The following NHSL3 variants were observed in gnomAD, a reference collection of about 807,000 sequenced individuals.
NHSL3 encodes the protein NHS-like protein 3.
At chr1:32,757,394 CTG>C in the NHSL3 span, among the ~76,000 whole-genome samples, 2 of 150,608 alleles carry the variant, frequency 1.3e-5, no homozygotes, top group Non-Finnish European at 3.0e-5. Context: ...GGCTCAGAGA[CTG>C]TTGCAGTAAT....
At chr1:32,748,210 C>T in the NHSL3 span, among the ~76,000 whole-genome samples, 3 of 152,048 alleles carry the variant, frequency 2.0e-5, no homozygotes, top group East Asian at 5.8e-4. Flanking sequence ...ACCCAGGAGG[C>T]GGAGGCTGCA....
At chr1:32,753,555 A>C in the NHSL3 span, among the ~76,000 whole-genome samples, 1 of 152,214 alleles carries the variant, frequency 6.6e-6, no homozygotes, top group African/African-American at 2.4e-5. Context: ...AATGCATGAA[A>C]GCGGTTAGCA....
At chr1:32,754,240 C>T in the NHSL3 span, 1 of 696,108 alleles carries the variant, frequency 1.4e-6, no homozygotes, top group South Asian at 1.5e-5. Flanking sequence ...CGGTCGTCGC[C>T]ACCGCTGCTG....
At chr1:32,772,476 C>T in the NHSL3 span, 1 of 1,506,164 alleles carries the variant, frequency 6.6e-7, no homozygotes, top group Non-Finnish European at 8.9e-7. Context: ...GGTCCCATTG[C>T]TGATGATGGG....
the NHSL3 span, among the ~76,000 whole-genome samples, chr1:32,761,472 G>A: frequency 6.6e-6 from 1 of 152,162 alleles, no homozygotes; most frequent in African/African-American, 2.4e-5. Flanking sequence ...ACCTTGATGA[G>A]CTGATGTTCC....
the NHSL3 span, among the ~76,000 whole-genome samples, chr1:32,763,612 C>T: frequency 2.0e-5 from 3 of 152,252 alleles, no homozygotes; most frequent in South Asian, 6.2e-4. Context: ...CTCACTCTTG[C>T]CCAGACTGGA....
the NHSL3 span, chr1:32,768,901 C>T: frequency 8.6e-7 from 1 of 1,156,958 alleles, no homozygotes. Context: ...AACACAGTAC[C>T]CTGTGTCCTC....
the NHSL3 span, chr1:32,770,576 G>T: frequency 6.6e-7 from 1 of 1,520,988 alleles, no homozygotes; most frequent in Non-Finnish European, 8.8e-7. The surrounding 1 kb of genome is among the most constrained non-coding windows in gnomAD (Gnocchi z 8.3). Context: ...TCTCCCAGTG[G>T]GGGCAGCACT....
At chr1:32,758,406 C>A in the NHSL3 span, among the ~76,000 whole-genome samples, 3 of 152,094 alleles carry the variant, frequency 2.0e-5, no homozygotes, top group Non-Finnish European at 4.4e-5. Context: ...TTTCATCCTT[C>A]CCCCTGCCTG....
chr1:32,744,733 G>A, the NHSL3 span, among the ~76,000 whole-genome samples: 5 of 152,180 alleles, frequency 3.3e-5, no homozygotes, highest in African/African-American at 1.2e-4. Flanking sequence ...TTCCACCACT[G>A]TCTTGTGGGG....
the NHSL3 span, among the ~76,000 whole-genome samples, chr1:32,772,681 G>T: frequency 6.6e-6 from 1 of 152,164 alleles, no homozygotes; most frequent in Non-Finnish European, 1.5e-5. Flanking sequence ...ATTGTAAAGT[G>T]TGGGGCAGTG....
chr1:32,759,166 C>G, the NHSL3 span, among the ~76,000 whole-genome samples: 1 of 152,126 alleles, frequency 6.6e-6, no homozygotes, highest in African/African-American at 2.4e-5. Context: ...AGGGTTTACA[C>G]TAGATTGTGT....
At chr1:32,753,565 A>G in the NHSL3 span, among the ~76,000 whole-genome samples, 1 of 152,340 alleles carries the variant, frequency 6.6e-6, no homozygotes, top group East Asian at 1.9e-4. Context: ...AGCGGTTAGC[A>G]CAGAGCCTGG....
At chr1:32,741,983 C>G in the NHSL3 span, 1 of 1,179,196 alleles carries the variant, frequency 8.5e-7, no homozygotes, top group Non-Finnish European at 1.0e-6. This position sits in a 1 kb window ranked among gnomAD's most constrained non-coding sequence, Gnocchi z 4.3. Flanking sequence ...CCCGCCGCAC[C>G]TGCGGCCGAG....
the NHSL3 span, among the ~76,000 whole-genome samples, chr1:32,743,568 T>G: frequency 6.6e-6 from 1 of 152,226 alleles, no homozygotes; most frequent in African/African-American, 2.4e-5. Context: ...CATCCCCGTC[T>G]CATTCAAGAG....
the NHSL3 span, chr1:32,771,140 T>G: frequency 6.2e-7 from 1 of 1,612,492 alleles, no homozygotes; most frequent in Non-Finnish European, 8.5e-7. Flanking sequence ...TTGACCCCCC[T>G]GGGTGACAGG....
At chr1:32,747,767 AG>A in the NHSL3 span, among the ~76,000 whole-genome samples, 1 of 151,708 alleles carries the variant, frequency 6.6e-6, no homozygotes, top group Non-Finnish European at 1.5e-5. Flanking sequence ...GTTCAAAACC[AG>A]CCTGGCCAAC....
the NHSL3 span, among the ~76,000 whole-genome samples, chr1:32,757,353 A>T: frequency 6.6e-6 from 1 of 151,252 alleles, no homozygotes; most frequent in Non-Finnish European, 1.5e-5. Context: ...TGCAGGCAGG[A>T]CAGGTTGAGG....
At chr1:32,768,949 A>G in the NHSL3 span, 2 of 840,768 alleles carry the variant, frequency 2.4e-6, no homozygotes, top group South Asian at 4.4e-5. Flanking sequence ...TAAAGCAGTT[A>G]AGAGTTAGAA....
Sources: gnomAD v4.1 joint callset for allele counts (sites outside exome capture counted in the v4.1 genomes callset) on GRCh38, gnomAD v4.1.1 for gene constraint, Gnocchi (gnomAD v3.1) non-coding constraint, MANE v1.5 for transcripts, NCBI Gene and HGNC (gene_info 2026-07-23, HGNC 2026-07-21) for gene names.